The following MAF variants were observed in gnomAD, a reference collection of about 807,000 sequenced individuals.
The protein encoded by MAF is transcription factor Maf.
In MAF, 10 loss-of-function variants were observed where a neutral mutation model predicts 22.0. That is an observed-to-expected ratio of 0.45 (90% confidence interval 0.28 to 0.77). The LOEUF (loss-of-function observed/expected upper bound fraction) is 0.77. MAF is among the 30% of genes least tolerant of loss of function. The probability of loss-of-function intolerance (pLI) is 0.12; values close to 1 mark genes in which losing one functional copy is unlikely to be tolerated. For missense variants in MAF, 544 were observed against 548.4 expected (o/e 0.99, Z 0.08); for synonymous variants, 337 against 255.8 (o/e 1.32, Z -3.03).
the MAF span, among the ~76,000 whole-genome samples, chr16:79,387,921 A>G: frequency 1.3e-5 from 2 of 152,232 alleles, no homozygotes; most frequent in Admixed American, 6.5e-5. Flanking sequence ...AGTCCCCAAC[A>G]TAGTTAACTG....
the MAF span, among the ~76,000 whole-genome samples, chr16:79,302,863 G>C: frequency 6.6e-6 from 1 of 152,226 alleles, no homozygotes; most frequent in East Asian, 1.9e-4. Flanking sequence ...ATGCAAAATA[G>C]TCAATCTGTT....
chr16:79,490,983 A>C, the MAF span, among the ~76,000 whole-genome samples: 1 of 152,184 alleles, frequency 6.6e-6, no homozygotes, highest in Admixed American at 6.5e-5. Flanking sequence ...CCACAAACAC[A>C]AGCTAGGGAA....
chr16:79,576,814 A>G, the MAF span, among the ~76,000 whole-genome samples: 1 of 152,074 alleles, frequency 6.6e-6, no homozygotes, highest in Non-Finnish European at 1.5e-5. Flanking sequence ...CTTTACATAC[A>G]TTACCATATT....
the MAF span, among the ~76,000 whole-genome samples, chr16:79,496,936 C>T: frequency 1.2e-4 from 18 of 152,180 alleles, no homozygotes; most frequent in African/African-American, 4.3e-4. Flanking sequence ...AGCAGTGGGC[C>T]TGAGAATATT....
the MAF span, among the ~76,000 whole-genome samples, chr16:79,540,408 C>A: frequency 5.9e-5 from 9 of 152,260 alleles, no homozygotes; most frequent in South Asian, 2.1e-4. Context: ...GATTCCAACG[C>A]TTCAACCACT....
At chr16:79,565,343 A>G in the MAF span, among the ~76,000 whole-genome samples, 1 of 152,096 alleles carries the variant, frequency 6.6e-6, no homozygotes, top group Non-Finnish European at 1.5e-5. Flanking sequence ...GGCCCTTGAA[A>G]CCTAAATGAT....
the MAF span, among the ~76,000 whole-genome samples, chr16:79,514,601 T>C: frequency 7.2e-5 from 11 of 152,288 alleles, no homozygotes; most frequent in South Asian, 2.1e-3. Flanking sequence ...ACTGAAAATT[T>C]AGGCTGTAGT....
At chr16:79,547,643 C>T in the MAF span, among the ~76,000 whole-genome samples, 1 of 152,112 alleles carries the variant, frequency 6.6e-6, no homozygotes, top group African/African-American at 2.4e-5. Context: ...ATTGATGTAA[C>T]CCAATTCACT....
At chr16:79,465,112 G>T in the MAF span, among the ~76,000 whole-genome samples, 1 of 152,166 alleles carries the variant, frequency 6.6e-6, no homozygotes, top group Non-Finnish European at 1.5e-5. Flanking sequence ...AACATTTTAA[G>T]AATAGTTGTC....
the MAF span, among the ~76,000 whole-genome samples, chr16:79,571,554 T>TTTC: frequency 0.011 from 1,472 of 139,782 alleles, 23 homozygotes; most frequent in South Asian, 0.016. Flanking sequence ...TTTTTTTTTT[T>TTTC]ACAAATGCAC....
chr16:79,387,733 G>T, the MAF span, among the ~76,000 whole-genome samples: 1 of 152,178 alleles, frequency 6.6e-6, no homozygotes, highest in East Asian at 1.9e-4. Flanking sequence ...GAATATCTGA[G>T]ATTCATTTCC....
chr16:79,579,296 A>G, the MAF span, among the ~76,000 whole-genome samples: 1 of 152,254 alleles, frequency 6.6e-6, no homozygotes, highest in Non-Finnish European at 1.5e-5. Context: ...GTATCCTTGT[A>G]CTTGGATGTT....
At position 79,599,162 on chromosome 16, in the gene MAF, G is replaced by C. The variant is rs751341494; in HGVS notation, c.741C>G (p.His247Gln). 2 of 1,438,010 alleles carry C rather than the reference G, an allele frequency of 1.4e-6. No homozygotes were observed. The highest frequency in any genetic ancestry group is 1.4e-5 in the South Asian group (1 of 72,056). 89.1% of individuals were successfully genotyped at this position (1,438,010 alleles called of 1,614,324 possible). A position where few individuals can be genotyped will look rare whatever the true frequency, so the allele number is the denominator to read the frequency against. The stretch of plus-strand genomic sequence containing the variant: ...GCAGGCCGCCGGCGGCGTGGTGCGG[G>C]TGCAGGGCGCCCCCCGCCCCCGCCG... Reference protein sequence around the residue: ...GGAAGAGGALHPHHAAGGLHF... With the variant: ...GGAAGAGGALQPHHAAGGLHF... The change falls in exon 1 of 2, where the codon CAC becomes CAG. Residue 247 changes from histidine to glutamine, a missense_variant. This residue lies in a region of MAF where 342 missense variants were observed against 315.5 expected (regional missense o/e 1.08). Transcript: ENST00000326043.
At chr16:79,461,576 C>T in the MAF span, among the ~76,000 whole-genome samples, 5 of 152,256 alleles carry the variant, frequency 3.3e-5, no homozygotes, top group East Asian at 1.9e-4. Flanking sequence ...TCACATGGTA[C>T]GTCTAACTGC....
At chr16:79,366,895 T>A in the MAF span, among the ~76,000 whole-genome samples, 1 of 152,232 alleles carries the variant, frequency 6.6e-6, no homozygotes, top group African/African-American at 2.4e-5. Context: ...CAAGAGCTAA[T>A]GAAATCATGT....
At chr16:79,594,849 C>A in intron 1 of MAF, 1 of 1,227,270 alleles carries the variant, frequency 8.1e-7, no homozygotes, top group South Asian at 2.1e-5. Flanking sequence ...TTGCCAGCAC[C>A]TTTGCATTTG....
chr16:79,240,440 C>T, the MAF span, among the ~76,000 whole-genome samples: 4 of 138,116 alleles, frequency 2.9e-5, no homozygotes, highest in African/African-American at 1.1e-4. Flanking sequence ...CCCTCTCCTA[C>T]CAGAATAAAA....
the MAF span, among the ~76,000 whole-genome samples, chr16:79,250,609 G>T: frequency 6.6e-6 from 1 of 152,184 alleles, no homozygotes; most frequent in Non-Finnish European, 1.5e-5. Context: ...TGAGCAGGGG[G>T]AGCAGTGAAA....
the MAF span, chr16:79,205,539 C>T: frequency 6.6e-6 from 1 of 152,222 alleles, no homozygotes; most frequent in Admixed American, 6.5e-5. Flanking sequence ...AACACTTTCT[C>T]ACACTTCTAA....
Sources: allele counts gnomAD v4.1 joint callset (sites outside exome capture counted in the v4.1 genomes callset), GRCh38; gene constraint gnomAD v4.1.1; regional missense constraint gnomAD v4.1.1; transcripts MANE v1.5; gene names NCBI Gene and HGNC (gene_info 2026-07-23, HGNC 2026-07-21).